Variants in COL22A1 observed in about 807,000 individuals in gnomAD.
The protein encoded by COL22A1 is collagen type XXII alpha 1 chain, also known as collagen alpha-1(XXII) chain.
COL22A1 carries 221 observed loss-of-function variants against 248.9 expected under a neutral mutation model. The observed-to-expected ratio is 0.89, with a 90% CI of 0.80 to 0.99. The LOEUF (loss-of-function observed/expected upper bound fraction) is 0.99, where lower values mean the gene tolerates loss of function less well. COL22A1 is among the 50% of genes least tolerant of loss of function. The pLI is 0.00. For synonymous variants in COL22A1, 891 were observed against 793.4 expected (o/e 1.12, Z -2.07); for missense variants, 2,240 against 2,179.0 (o/e 1.03, Z -0.56).
chr8:138,634,090 G>A (rs72727837), intron 49 of COL22A1, among the ~76,000 whole-genome samples: 5 of 152,038 alleles, frequency 3.3e-5, no homozygotes, highest in Admixed American at 1.3e-4. Flanking sequence ...TGCTTTCATC[G>A]GATTTTATTG....
rs956470704 is a variant in COL22A1, at chr8:138,830,284, G to T, written c.845+2755C>A. 2.0e-5 allele frequency among the ~76,000 whole-genome samples: 3 copies of T among 152,098 alleles called. No homozygotes were observed. In the East Asian group the frequency reaches 5.8e-4, roughly 29 times the overall value. The stretch of plus-strand genomic sequence containing the variant: ...GAAAAGTGTAATACCTGCCTTGCTC[G>T]TTTCTGTTATTGTCATGAGAAATAA... On this transcript the variant is annotated intron_variant, in intron 5 of 64. Coordinates refer to ENST00000303045, the MANE Select transcript of COL22A1 (RefSeq NM_152888.3).
chr8:138,761,830 C>T (rs1250519436), intron 17 of COL22A1, among the ~76,000 whole-genome samples: 1 of 152,268 alleles, frequency 6.6e-6, no homozygotes, highest in African/African-American at 2.4e-5. Context: ...TGGGGGCAAC[C>T]AAGCAGCAAG....
Position 138,673,616 on chromosome 8 carries a change from A to AG in COL22A1, c.3150+2941dup, listed in dbSNP as rs1377317811. Among the ~76,000 whole-genome samples the AG allele has an allele frequency of 3.9e-5, 6 of 152,158 alleles. No homozygotes were observed. In the South Asian group the frequency reaches 1.0e-3, roughly 26 times the overall value. ...CCGAAGCCACAAAGCGAGGTGTTGC[A>AG]GGGGGAAAAGGACTGGTTTCAGAGG... On this transcript the variant is annotated intron_variant, in intron 41 of 64. Coordinates refer to ENST00000303045, the MANE Select transcript of COL22A1 (RefSeq NM_152888.3).
chr8:138,868,267 T>A (rs1396226825), intron 3 of COL22A1, among the ~76,000 whole-genome samples: 5 of 152,048 alleles, frequency 3.3e-5, no homozygotes, highest in Admixed American at 6.6e-5. Context: ...CTCTCATACA[T>A]CCCGAGTCAG....
intron 1 of COL22A1, among the ~76,000 whole-genome samples, chr8:138,894,579 G>A (rs1277205892): frequency 6.6e-6 from 1 of 152,176 alleles, no homozygotes; most frequent in Non-Finnish European, 1.5e-5. Context: ...AGAGATCAAA[G>A]GCAGATGGGC....
rs1827082163 is a variant in COL22A1 at position 138,692,222 on chromosome 8, GCA to G, written c.2755-1350_2755-1349del. On this transcript the variant is annotated intron_variant, in intron 35 of 64. Transcript: ENST00000303045. ...TGCATGTTTGTGGAGGTGTATGTGT[GCA>G]CGTGCATGTGCATGTTTGTGGACGT... Among the ~76,000 whole-genome samples the G allele has an allele frequency of 4.6e-4, 32 of 69,058 alleles. 1 individual carries two copies. The highest frequency in any genetic ancestry group is 1.5e-3 in the African/African-American group (29 of 19,586). 45.3% of individuals were successfully genotyped at this position (69,058 alleles called of 152,430 possible).
At chr8:138,689,715 AAAAAAT>A (rs1335099944) in intron 36 of COL22A1, among the ~76,000 whole-genome samples, 1 of 152,182 alleles carries the variant, frequency 6.6e-6, no homozygotes, top group Non-Finnish European at 1.5e-5. Context: ...ACTCCACCTC[AAAAAAT>A]AAAAATAAAA....
At chr8:138,640,720 C>T (rs1049544754) in intron 47 of COL22A1, among the ~76,000 whole-genome samples, 1 of 152,120 alleles carries the variant, frequency 6.6e-6, no homozygotes, top group Non-Finnish European at 1.5e-5. Flanking sequence ...TAAATGCTTC[C>T]TACCTGCTGT....
chr8:138,784,336 T>C (rs1325238256), intron 12 of COL22A1, among the ~76,000 whole-genome samples: 1 of 152,210 alleles, frequency 6.6e-6, no homozygotes, highest in African/African-American at 2.4e-5. Flanking sequence ...TCATCAGTTG[T>C]TTCTTGGGAA....
At chr8:138,795,105 T>C (rs1159989126) in intron 12 of COL22A1, among the ~76,000 whole-genome samples, 4 of 151,042 alleles carry the variant, frequency 2.6e-5, no homozygotes, top group Admixed American at 2.0e-4. Flanking sequence ...AAAAAAAAAG[T>C]GTAAAACAAG....
intron 3 of COL22A1, among the ~76,000 whole-genome samples, chr8:138,856,095 G>A (rs1225341017): frequency 1.3e-5 from 2 of 152,216 alleles, no homozygotes; most frequent in South Asian, 2.1e-4. Flanking sequence ...AGGGGGGCCT[G>A]CTCATTAGCA....
chr8:138,653,960 C>A (rs1822982241), intron 45 of COL22A1, among the ~76,000 whole-genome samples: 1 of 152,198 alleles, frequency 6.6e-6, no homozygotes, highest in Non-Finnish European at 1.5e-5. Context: ...CACAGGCTAC[C>A]CTGCACGTAG....
chr8:138,833,329 G>A (rs747681781), intron 4 of COL22A1, among the ~76,000 whole-genome samples, 179 bp from the exon 5 acceptor site: 1 of 152,232 alleles, frequency 6.6e-6, no homozygotes, highest in Non-Finnish European at 1.5e-5. Flanking sequence ...GTAATGGGAC[G>A]TATAGCCTTG....
intron 4 of COL22A1, among the ~76,000 whole-genome samples, chr8:138,833,681 T>C (rs774663235): frequency 6.6e-6 from 1 of 152,256 alleles, no homozygotes. Context: ...TTATTTGAAA[T>C]GATTTTGTTT....
chr8:138,658,075 A>AC (rs1823454353), intron 44 of COL22A1, among the ~76,000 whole-genome samples: 1 of 152,120 alleles, frequency 6.6e-6, no homozygotes, highest in African/African-American at 2.4e-5. Flanking sequence ...GCTTCCAGAG[A>AC]ACCTAATCTG....
chr8:138,685,438 C>G (rs1024115945), intron 37 of COL22A1, 126 bp from the exon 38 acceptor site: 1 of 729,678 alleles, frequency 1.4e-6, no homozygotes, highest in Admixed American at 2.7e-5. Flanking sequence ...AAGGCCCATG[C>G]TTTCTGGGAC....
chr8:138,812,684 C>T (rs1818342987), intron 8 of COL22A1, among the ~76,000 whole-genome samples: 1 of 152,154 alleles, frequency 6.6e-6, no homozygotes, highest in African/African-American at 2.4e-5. Context: ...CCTCCTACAT[C>T]CCCTAGAGCA....
chr8:138,664,698 C>A (rs1221268256), intron 41 of COL22A1, among the ~76,000 whole-genome samples: 2 of 152,200 alleles, frequency 1.3e-5, no homozygotes, highest in Non-Finnish European at 2.9e-5. Flanking sequence ...GCATTCTTAC[C>A]ATGCTCTCTC....
intron 30 of COL22A1, among the ~76,000 whole-genome samples, chr8:138,711,558 T>A (rs1333036716): frequency 2.6e-5 from 4 of 152,174 alleles, no homozygotes; most frequent in African/African-American, 9.7e-5. Context: ...TTCTGAAAAG[T>A]CCACGGCAGC....
Sources: gnomAD v4.1 joint callset for allele counts (sites outside exome capture counted in the v4.1 genomes callset) on GRCh38, gnomAD v4.1.1 for gene constraint, MANE v1.5 for transcripts, NCBI Gene and HGNC (gene_info 2026-07-23, HGNC 2026-07-21) for gene names.